The following SEZ6 variants were observed in gnomAD, a reference collection of about 807,000 sequenced individuals.
SEZ6 encodes the protein seizure protein 6 homolog.
A neutral mutation model predicts 101.0 loss-of-function variants in SEZ6; 53 were observed. The observed-to-expected ratio is 0.52, with a 90% confidence interval of 0.42 to 0.66. The LOEUF is 0.66. Ranked by LOEUF, SEZ6 falls within the 30% of genes least tolerant of loss-of-function variation. The probability of loss-of-function intolerance (pLI) is 0.00; values close to 1 mark genes in which losing one functional copy is unlikely to be tolerated. For missense variants in SEZ6, 1,102 were observed against 1,289.4 expected, an observed-to-expected ratio of 0.85 and a Z score of 2.23; for synonymous variants, 488 against 512.2, an observed-to-expected ratio of 0.95 and a Z score of 0.64.
At position 28,979,663 on chromosome 17, in the gene SEZ6, A is replaced by G. The variant is rs2041270415; in HGVS notation, c.858+17T>C. 3 of 1,613,802 alleles carry G rather than the reference A, an allele frequency of 1.9e-6. No individual in the cohort carries two copies. The highest frequency in any genetic ancestry group is 1.3e-5 in the African/African-American group (1 of 74,952). On this transcript the variant is annotated intron_variant, in intron 3 of 16. Coordinates refer to ENST00000317338, the MANE Select transcript of SEZ6 (RefSeq NM_178860.5). ...CACCCGCCCCAGCTTTGCCCTTGCC[A>G]GATCCAGATCACTCACCTTGATTTC...
At position 28,954,942 on chromosome 17, in the gene SEZ6, A is replaced by G. The variant is rs1343413594; in HGVS notation, c.*1020T>C. The stretch of plus-strand genomic sequence containing the variant: ...TTTTTTTTTTTTTTCCAAAAACACC[A>G]TTTTAATAAGGAAACAACAGAAATA... On this transcript the variant is annotated 3_prime_UTR_variant, in exon 17 of 17. Coordinates refer to ENST00000317338, the MANE Select transcript of SEZ6 (RefSeq NM_178860.5). 8.4e-6 allele frequency: 1 copy of G among 118,898 alleles called. No individual in the cohort carries two copies. Among genetic ancestry groups the G allele is most frequent in the African/African-American group, 3.3e-5 (1 of 29,944 alleles). 7.4% of individuals were successfully genotyped at this position (118,898 alleles called of 1,614,324 possible).
chr17:29,004,407 C>T lies in SEZ6; in HGVS notation c.55+1408G>A, dbSNP rs548740139. On this transcript the variant is annotated intron_variant, in intron 1 of 16. Coordinates refer to ENST00000317338, the MANE Select transcript of SEZ6 (RefSeq NM_178860.5). ...GTGGGTCTTGCAGGACTCTTCCCCT[C>T]TCCCCAGAACGTGAGCACACGGTTT... Among the ~76,000 whole-genome samples the T allele has an allele frequency of 6.4e-4, 97 of 152,326 alleles. 3 individuals carry two copies. In the South Asian group the frequency reaches 0.019, roughly 30 times the overall value.
chr17:28,965,452 A>G (rs1598185134), intron 4 of SEZ6, among the ~76,000 whole-genome samples: 3 of 152,274 alleles, frequency 2.0e-5, no homozygotes, highest in Admixed American at 2.0e-4. Context: ...CAGCCTGGGC[A>G]ACATAGTGAG....
At chr17:28,972,058 G>T (rs2041158511) in intron 3 of SEZ6, among the ~76,000 whole-genome samples, 1 of 152,248 alleles carries the variant, frequency 6.6e-6, no homozygotes, top group Non-Finnish European at 1.5e-5. Flanking sequence ...TGCCCCCTGG[G>T]CATCCACATA....
At chr17:29,003,710 C>T (rs1378439476) in intron 1 of SEZ6, among the ~76,000 whole-genome samples, 1 of 152,232 alleles carries the variant, frequency 6.6e-6, no homozygotes, top group Non-Finnish European at 1.5e-5. Flanking sequence ...AGAGGAGCCT[C>T]TGGCTACCCA....
In SEZ6 at chr17:28,959,558, G is replaced by C. The variant is rs1232348116; in HGVS notation, c.1772-86C>G. The C allele has an allele frequency of 1.1e-4, 171 of 1,562,588 alleles. No individual in the cohort carries two copies. The East Asian group carries it at 3.7e-3, about 34-fold the overall frequency. Reference sequence around the variant, plus strand: ...CTGCCCGCAGGAGTGCCCACAAATTGCTGGGACCCCCCACCTCCTCCTTGG... The same window carrying C: ...CTGCCCGCAGGAGTGCCCACAAATTCCTGGGACCCCCCACCTCCTCCTTGG... On this transcript the variant is annotated intron_variant, in intron 8 of 16. Transcript: ENST00000317338. The surrounding 1 kb of genome is among the most constrained non-coding windows in gnomAD (Gnocchi z 4.4).
chr17:28,956,307 G>T, intron 15 of SEZ6, 43 bp downstream of exon 15: 1 of 1,582,950 alleles, frequency 6.3e-7, no homozygotes. Context: ...GGGTAGGAGT[G>T]AGGTATGCAG....
rs777528208 is a variant in SEZ6, at chr17:28,959,701, G to A, written c.1768C>T (p.Arg590Ter). The change falls in exon 8 of 17, where the codon CGA (arginine) becomes TGA (stop). Residue 590 changes from arginine (R) to a stop codon, truncating the protein, a stop_gained. Coordinates refer to ENST00000317338, the MANE Select transcript of SEZ6 (RefSeq NM_178860.5). LOFTEE classifies it high-confidence loss of function. The surrounding 1 kb of genome is among the most constrained non-coding windows in gnomAD (Gnocchi z 4.4). ...PQWNETEPAC[R>*]AVCSGEITDS... ...CCATCCACTGGTGTCTACTGACCTC[G>A]GCAGGCTGGCTCTGTCTCATTCCAC... 6 of 1,588,232 alleles carry A rather than the reference G, an allele frequency of 3.8e-6. No homozygotes were observed. In the Admixed American group the frequency reaches 6.8e-5, roughly 18 times the overall value.
At chr17:28,976,169 A>T (rs1368454192) in intron 3 of SEZ6, among the ~76,000 whole-genome samples, 1 of 152,218 alleles carries the variant, frequency 6.6e-6, no homozygotes, top group East Asian at 1.9e-4. Context: ...CTCAGAGGGC[A>T]TCAATAACTG....
At chr17:28,971,070 C>T (rs185433078) in intron 3 of SEZ6, among the ~76,000 whole-genome samples, 8 of 152,304 alleles carry the variant, frequency 5.3e-5, no homozygotes, top group East Asian at 1.9e-4. Flanking sequence ...TGGACAACGA[C>T]GGACTCTGCC....
chr17:29,000,645 C>T (rs1237224437), intron 1 of SEZ6, among the ~76,000 whole-genome samples: 1 of 152,102 alleles, frequency 6.6e-6, no homozygotes, highest in African/African-American at 2.4e-5. Context: ...GAGCTGCTCC[C>T]AAAGATTCAT....
intron 4 of SEZ6, among the ~76,000 whole-genome samples, chr17:28,966,848 T>G (rs757396842): frequency 3.9e-5 from 6 of 152,358 alleles, no homozygotes; most frequent in African/African-American, 1.4e-4. Context: ...CCTGTTACTA[T>G]GTCTGTGAAA....
At chr17:28,965,998 C>T (rs1357603998) in intron 4 of SEZ6, among the ~76,000 whole-genome samples, 6 of 151,862 alleles carry the variant, frequency 4.0e-5, no homozygotes, top group African/African-American at 1.5e-4. Flanking sequence ...AAAATATTAG[C>T]TGGGCATGGT....
intron 5 of SEZ6, among the ~76,000 whole-genome samples, chr17:28,963,639 G>C (rs1390421988): frequency 6.6e-6 from 1 of 152,164 alleles, no homozygotes; most frequent in Admixed American, 6.5e-5. Flanking sequence ...TGCCTCCCAG[G>C]TCACTTTATG....
At chr17:28,979,620 C>G (rs1267640980) in intron 3 of SEZ6, 60 bp downstream of exon 3, 2 of 1,610,434 alleles carry the variant, frequency 1.2e-6, no homozygotes, top group Non-Finnish European at 1.7e-6. Flanking sequence ...GCATGTGCCT[C>G]TCTGAAGAAA....
At chr17:28,982,151 C>T (rs908720719) in intron 1 of SEZ6, 112 bp from the exon 2 acceptor site, 38 of 1,425,658 alleles carry the variant, frequency 2.7e-5, no homozygotes, top group South Asian at 1.2e-4. Flanking sequence ...CCCTGAGGAG[C>T]GTGCTCACTG....
chr17:28,955,700 C>G lies in SEZ6; in HGVS notation c.*262G>C, dbSNP rs1384349259. The G allele has an allele frequency of 1.5e-6, 1 of 665,612 alleles. No homozygotes were observed. The highest frequency in any genetic ancestry group is 2.1e-5 in the Admixed American group (1 of 48,692). The allele number at this position is 665,612 out of a possible 1,614,324, so 41.2% of individuals were successfully genotyped here. A position where few individuals can be genotyped will look rare whatever the true frequency, so the allele number is the denominator to read the frequency against. ...GATGCTGGCTGTTGATGCTTGTGCT[C>G]CAGCTATGTTCTTCCCACAGGTAGA... is the stretch of plus-strand genomic sequence containing the variant. On this transcript the variant is annotated 3_prime_UTR_variant, in exon 17 of 17. Coordinates refer to ENST00000317338, the MANE Select transcript of SEZ6 (RefSeq NM_178860.5).
intron 3 of SEZ6, among the ~76,000 whole-genome samples, chr17:28,973,833 C>T (rs2041185526): frequency 6.6e-6 from 1 of 152,144 alleles, no homozygotes; most frequent in African/African-American, 2.4e-5. Flanking sequence ...TCTTCCATAC[C>T]CATAGCCAGT....
intron 13 of SEZ6, 36 bp downstream of exon 13, chr17:28,957,009 G>A: frequency 1.3e-6 from 2 of 1,533,456 alleles, no homozygotes; most frequent in Non-Finnish European, 8.8e-7. Flanking sequence ...AGCTCTATGG[G>A]CCAGGGAGGG....
Sources: allele counts gnomAD v4.1 joint callset (sites outside exome capture counted in the v4.1 genomes callset), GRCh38; gene constraint gnomAD v4.1.1; non-coding constraint Gnocchi (gnomAD v3.1); transcripts MANE v1.5; gene names NCBI Gene and HGNC (gene_info 2026-07-23, HGNC 2026-07-21).